Variants in CDC5L observed in about 807,000 individuals in gnomAD.
CDC5L encodes the protein cell division cycle 5 like.
Under a neutral mutation model 104.1 loss-of-function variants are expected in CDC5L, and 18 were observed. That is an observed-to-expected ratio of 0.17 (90% CI 0.12 to 0.26). The LOEUF is 0.26. Ranked by LOEUF, CDC5L falls within the 10% of genes least tolerant of loss-of-function variation. CDC5L has a pLI of 1.00. For missense variants in CDC5L, 673 were observed against 956.9 expected, an observed-to-expected ratio of 0.70 and a Z score of 3.91; for synonymous variants, 331 against 322.7, an observed-to-expected ratio of 1.03 and a Z score of -0.28.
intron 14 of CDC5L, among the ~76,000 whole-genome samples, chr6:44,443,305 ATT>A (rs1793297939): frequency 2.0e-5 from 3 of 148,774 alleles, no homozygotes; most frequent in African/African-American, 7.4e-5. Flanking sequence ...AGTTTTTGAC[ATT>A]TTAATTGTGA....
chr6:44,396,172 A>C (rs1790861670), intron 4 of CDC5L, among the ~76,000 whole-genome samples, 169 bp from the exon 5 acceptor site: 3 of 152,236 alleles, frequency 2.0e-5, no homozygotes, highest in Admixed American at 1.3e-4. Flanking sequence ...TTTTTAACCT[A>C]GGTTCTTTGA....
chr6:44,419,725 A>G, intron 9 of CDC5L, 128 bp downstream of exon 9: 1 of 703,246 alleles, frequency 1.4e-6, no homozygotes, highest in Non-Finnish European at 2.4e-6. Context: ...TTTCTTCTTC[A>G]TAGTAATAAA....
chr6:44,421,998 A>G (rs960829379), intron 9 of CDC5L, among the ~76,000 whole-genome samples: 10 of 152,172 alleles, frequency 6.6e-5, no homozygotes, highest in South Asian at 2.1e-4. Flanking sequence ...CCGTTCTGCA[A>G]CACACCAATA....
At chr6:44,446,473 T>G in intron 15 of CDC5L, 134 bp from the exon 16 acceptor site, 1 of 484,398 alleles carries the variant, frequency 2.1e-6, no homozygotes, top group East Asian at 3.4e-5. Context: ...TTTGATATGT[T>G]TGTTTCTCTT....
At position 44,426,680 on chromosome 6, in the gene CDC5L, G is replaced by A. The variant is rs1318323851; in HGVS notation, c.1849G>A (p.Glu617Lys). 6.2e-7 allele frequency: 1 copy of A among 1,612,748 alleles called. No individual in the cohort carries two copies. Among genetic ancestry groups the A allele is most frequent in the Admixed American group, 1.7e-5 (1 of 59,984 alleles). Residue 617 changes from glutamate to lysine, a missense_variant, in exon 13 of 16, where the codon GAA (glutamate) becomes AAA (lysine). This residue lies in a region of CDC5L where 578 missense variants were observed against 737.0 expected (regional missense o/e 0.78). Transcript: ENST00000371477. ...TNNSEHITYL[E>K]HNPYEKFSKE... ...TAATTCAGAGCACATTACCTATCTG[G>A]AACATAATCCTTATGAAAAGTTCTC...
At chr6:44,414,492 T>C (rs536959488) in intron 8 of CDC5L, among the ~76,000 whole-genome samples, 62 of 151,574 alleles carry the variant, frequency 4.1e-4, no homozygotes, top group African/African-American at 1.4e-3. Context: ...GTTATCTTTT[T>C]TTTTTTTAAT....
rs562686615 is a variant in CDC5L, at chr6:44,417,409, A to G, written c.1093-2040A>G. ...GGTGGGAAGCTGCGTTATTTTTTCT[A>G]AACTAACCTGGGAGGTCAAGCATTG... On this transcript the variant is annotated intron_variant, in intron 8 of 15. Coordinates refer to ENST00000371477, the MANE Select transcript of CDC5L (RefSeq NM_001253.4). Among the ~76,000 whole-genome samples, 4 of 152,136 alleles carry G rather than the reference A, an allele frequency of 2.6e-5. No individual in the cohort carries two copies. The South Asian group carries it at 8.3e-4, about 32-fold the overall frequency.
chr6:44,419,372 G>A (rs1792056850), intron 8 of CDC5L, 77 bp from the exon 9 acceptor site: 2 of 1,346,228 alleles, frequency 1.5e-6, no homozygotes, highest in African/African-American at 1.5e-5. Flanking sequence ...CTTCAAGATT[G>A]GTATAGTAGG....
chr6:44,391,512 T>C (rs1234928516), intron 2 of CDC5L, among the ~76,000 whole-genome samples: 2 of 152,024 alleles, frequency 1.3e-5, no homozygotes, highest in East Asian at 3.9e-4. Flanking sequence ...CCTCCCAGAG[T>C]GCTGGGATTA....
chr6:44,428,785 C>T (rs142550269), intron 13 of CDC5L, among the ~76,000 whole-genome samples: 447 of 152,158 alleles, frequency 2.9e-3, no homozygotes, highest in African/African-American at 0.01. Flanking sequence ...AATTCGTGCC[C>T]CAGTCTCATT....
chr6:44,425,153 C>A (rs996115235), intron 11 of CDC5L, among the ~76,000 whole-genome samples: 5 of 152,158 alleles, frequency 3.3e-5, no homozygotes, highest in African/African-American at 1.2e-4. Context: ...CGTAACAGCA[C>A]AGTGATATAA....
intron 8 of CDC5L, among the ~76,000 whole-genome samples, chr6:44,414,199 C>T (rs1318497916): frequency 6.6e-6 from 1 of 152,134 alleles, no homozygotes; most frequent in Non-Finnish European, 1.5e-5. Flanking sequence ...CCCACCACAG[C>T]CTCTCAAGTT....
In CDC5L at chr6:44,387,822, A is replaced by C. The variant is rs150971616; in HGVS notation, c.-2A>C. The C allele has an allele frequency of 6.4e-7, 1 of 1,564,938 alleles. No homozygotes were observed. The highest frequency in any genetic ancestry group is 1.2e-5 in the South Asian group (1 of 85,388). The stretch of plus-strand genomic sequence containing the variant: ...TGCTTGCCGAGACACCCTGCCGCCA[A>C]GATGCCTCGAATTATGATCAAGGGG... On this transcript the variant is annotated 5_prime_UTR_variant, in exon 1 of 16. Coordinates refer to ENST00000371477, the MANE Select transcript of CDC5L (RefSeq NM_001253.4).
intron 13 of CDC5L, 94 bp from the exon 14 acceptor site, chr6:44,429,619 C>G (rs1310981362): frequency 5.7e-6 from 6 of 1,054,768 alleles, no homozygotes; most frequent in Non-Finnish European, 8.3e-6. Flanking sequence ...GGATTTGACT[C>G]AAGGCATGAG....
intron 14 of CDC5L, among the ~76,000 whole-genome samples, chr6:44,437,481 T>C (rs549541625): frequency 6.6e-6 from 1 of 152,350 alleles, no homozygotes; most frequent in East Asian, 1.9e-4. Flanking sequence ...TGTGCTTAAG[T>C]TAATTTTTGT....
intron 13 of CDC5L, 71 bp from the exon 14 acceptor site, chr6:44,429,642 T>G: frequency 7.4e-7 from 1 of 1,360,522 alleles, no homozygotes. Context: ...AAAAAATTAG[T>G]CTTCTAAAGC....
At chr6:44,392,265 A>G (rs1400915945) in intron 2 of CDC5L, among the ~76,000 whole-genome samples, 1 of 152,254 alleles carries the variant, frequency 6.6e-6, no homozygotes, top group Non-Finnish European at 1.5e-5. Flanking sequence ...AAATGCTTAA[A>G]GAAATAAGCC....
At chr6:44,394,165 C>T (rs1332886591) in intron 4 of CDC5L, among the ~76,000 whole-genome samples, 2 of 152,088 alleles carry the variant, frequency 1.3e-5, no homozygotes, top group Non-Finnish European at 2.9e-5. Flanking sequence ...TGAGGTGGGT[C>T]GATCTCTTTA....
Position 44,419,437 on chromosome 6 carries a change from C to A in CDC5L, c.1093-12C>A, listed in dbSNP as rs1175380893. ...ACTTTTAAACTTGCTTCTTTGTCTT[C>A]TTGTTAATCAGGAAGCCCAGAACCT... On this transcript the variant is annotated splice_polypyrimidine_tract_variant and intron_variant, in intron 8 of 15. Coordinates refer to ENST00000371477, the MANE Select transcript of CDC5L (RefSeq NM_001253.4). 6.2e-7 allele frequency: 1 copy of A among 1,612,950 alleles called. No individual in the cohort carries two copies. The highest frequency in any genetic ancestry group is 1.1e-5 in the South Asian group (1 of 90,878).
Sources: allele counts gnomAD v4.1 joint callset (sites outside exome capture counted in the v4.1 genomes callset), GRCh38; gene constraint gnomAD v4.1.1; regional missense constraint gnomAD v4.1.1; transcripts MANE v1.5; gene names NCBI Gene and HGNC (gene_info 2026-07-23, HGNC 2026-07-21).